The following LOXL2 variants were observed in gnomAD, a reference collection of about 807,000 sequenced individuals.
LOXL2 encodes the protein lysyl oxidase like 2, also known as lysyl oxidase homolog 2.
LOXL2 carries 70 observed loss-of-function variants against 93.0 expected under a neutral mutation model. The observed-to-expected ratio is 0.75, with a 90% confidence interval of 0.62 to 0.92. LOXL2 has a LOEUF of 0.92. Among genes scored for constraint, LOXL2 ranks in the 40% least tolerant of loss-of-function variants. LOXL2 has a pLI of 0.00. For missense variants in LOXL2, 973 were observed against 1,054.9 expected (o/e 0.92, Z 1.08); for synonymous variants, 438 against 413.2 (o/e 1.06, Z -0.73).
intron 3 of LOXL2, among the ~76,000 whole-genome samples, chr8:23,347,321 C>T (rs1481879149): frequency 1.3e-5 from 2 of 151,962 alleles, no homozygotes; most frequent in Admixed American, 6.6e-5. Flanking sequence ...TGCGCCACTA[C>T]ACTCCAGCTG....
intron 6 of LOXL2, among the ~76,000 whole-genome samples, chr8:23,326,966 A>C (rs1230141911): frequency 1.3e-5 from 2 of 152,236 alleles, no homozygotes; most frequent in Non-Finnish European, 2.9e-5. Context: ...ATAAGGAAGA[A>C]GCCCTTGTCT....
At chr8:23,387,712 G>C (rs960360300) in intron 1 of LOXL2, among the ~76,000 whole-genome samples, 4 of 152,174 alleles carry the variant, frequency 2.6e-5, no homozygotes, top group African/African-American at 9.7e-5. Context: ...CACTTTGGGA[G>C]GCTGAGGCAG....
Position 23,389,656 on chromosome 8 carries a change from TG to T in LOXL2, c.-84+14297del, listed in dbSNP as rs1458194189. On this transcript the variant is annotated intron_variant, in intron 1 of 13. Coordinates refer to ENST00000389131, the MANE Select transcript of LOXL2 (RefSeq NM_002318.3). ...CACATTGTAAAAATTATACAGTGTT[TG>T]GACATCATGCTTTTAGATTTTCAAG... 7.9e-5 allele frequency among the ~76,000 whole-genome samples: 12 copies of T among 152,322 alleles called. No individual in the cohort carries two copies. The South Asian group carries it at 2.5e-3, about 32-fold the overall frequency.
At chr8:23,344,557 C>G (rs1563196947) in intron 3 of LOXL2, among the ~76,000 whole-genome samples, 1 of 151,714 alleles carries the variant, frequency 6.6e-6, no homozygotes. Context: ...GTATATGTCT[C>G]TGTGTGTGTG....
chr8:23,383,646 GTTTTTTTTTTGT>G (rs1332220267), intron 1 of LOXL2, among the ~76,000 whole-genome samples: 10,354 of 117,194 alleles, frequency 0.088, 946 homozygotes, highest in African/African-American at 0.19. Flanking sequence ...GCACTTTTAC[GTTTTTTTTTTGT>G]TTTTTTTTTT....
intron 1 of LOXL2, among the ~76,000 whole-genome samples, chr8:23,400,889 T>G (rs961495155): frequency 1.3e-5 from 2 of 152,222 alleles, no homozygotes; most frequent in East Asian, 3.9e-4. Flanking sequence ...AAACAAACCC[T>G]GGCTTCCTGA....
intron 1 of LOXL2, among the ~76,000 whole-genome samples, chr8:23,373,811 C>T (rs375024449): frequency 1.3e-5 from 2 of 152,026 alleles, no homozygotes; most frequent in Non-Finnish European, 2.9e-5. Context: ...TGTCCCCCAC[C>T]GCGAAGCTCT....
chr8:23,368,712 G>A (rs1041799830), intron 1 of LOXL2, among the ~76,000 whole-genome samples: 3 of 152,076 alleles, frequency 2.0e-5, no homozygotes, highest in Admixed American at 1.3e-4. Context: ...TTAAGACTAC[G>A]GACATGCCGG....
At chr8:23,371,294 G>T (rs2117216486) in intron 1 of LOXL2, among the ~76,000 whole-genome samples, 1 of 152,304 alleles carries the variant, frequency 6.6e-6, no homozygotes, top group African/African-American at 2.4e-5. Context: ...ATACTACAGG[G>T]AATTCTTCAG....
At chr8:23,349,655 T>C (rs1804058375) in intron 3 of LOXL2, among the ~76,000 whole-genome samples, 1 of 152,032 alleles carries the variant, frequency 6.6e-6, no homozygotes, top group African/African-American at 2.4e-5. Context: ...ACTGACTATC[T>C]TGCACTAGGG....
intron 4 of LOXL2, among the ~76,000 whole-genome samples, chr8:23,338,507 T>C (rs757610962): frequency 1.3e-5 from 2 of 152,172 alleles, no homozygotes; most frequent in Non-Finnish European, 2.9e-5. Context: ...GGTGGATACA[T>C]GGAGATTACT....
chr8:23,323,298 A>G (rs1333432800), intron 6 of LOXL2, among the ~76,000 whole-genome samples: 1 of 152,228 alleles, frequency 6.6e-6, no homozygotes, highest in Non-Finnish European at 1.5e-5. Flanking sequence ...GACAGTCAGG[A>G]GAGAAAACCC....
rs949214260 is a variant in LOXL2 at position 23,340,384 on chromosome 8, A to G, written c.743+608T>C. 6.6e-5 allele frequency among the ~76,000 whole-genome samples: 10 copies of G among 152,230 alleles called. 1 individual carries two copies. The East Asian group carries it at 1.5e-3, about 24-fold the overall frequency. On this transcript the variant is annotated intron_variant, in intron 4 of 13. Transcript: ENST00000389131. ...CTTGTTGGGGTGCTGGAATCCTTCCACTGGACACCCCTTAAGTCAAAATGA... is the reference window on the plus strand; with the variant it reads ...CTTGTTGGGGTGCTGGAATCCTTCCGCTGGACACCCCTTAAGTCAAAATGA...
intron 10 of LOXL2, among the ~76,000 whole-genome samples, chr8:23,307,661 C>A (rs1336991159): frequency 1.3e-5 from 2 of 152,148 alleles, no homozygotes; most frequent in Non-Finnish European, 2.9e-5. Flanking sequence ...CTTATAGACC[C>A]ATAGGCAGCG....
At chr8:23,358,715 G>A (rs1804238450) in intron 3 of LOXL2, among the ~76,000 whole-genome samples, 1 of 152,220 alleles carries the variant, frequency 6.6e-6, no homozygotes, top group Non-Finnish European at 1.5e-5. Context: ...CATAAATGTG[G>A]ATTTTCAAAT....
Position 23,386,637 on chromosome 8 carries a change from G to T in LOXL2, c.-84+17317C>A, listed in dbSNP as rs570529299. On this transcript the variant is annotated intron_variant, in intron 1 of 13. Coordinates refer to ENST00000389131, the MANE Select transcript of LOXL2 (RefSeq NM_002318.3). ...AGTGGGGAGAGTTTTTAGAAAACAG[G>T]CAGATCTATTCTCAGCATTCACCTT... Among the ~76,000 whole-genome samples, 24 of 152,116 alleles carry T rather than the reference G, an allele frequency of 1.6e-4. No homozygotes were observed. In the South Asian group the frequency reaches 5.0e-3, roughly 32 times the overall value.
chr8:23,395,956 G>A (rs1252057801), intron 1 of LOXL2, among the ~76,000 whole-genome samples: 1 of 152,128 alleles, frequency 6.6e-6, no homozygotes, highest in Non-Finnish European at 1.5e-5. Flanking sequence ...TTACAGGTGT[G>A]AGCCACTGTG....
At chr8:23,309,159 A>G (rs1270559970) in intron 10 of LOXL2, among the ~76,000 whole-genome samples, 2 of 151,712 alleles carry the variant, frequency 1.3e-5, no homozygotes, top group Non-Finnish European at 2.9e-5. Context: ...TAATTTTCGT[A>G]TTTTTAGTAG....
chr8:23,358,958 C>T (rs1367288565), intron 3 of LOXL2, among the ~76,000 whole-genome samples: 1 of 151,628 alleles, frequency 6.6e-6, no homozygotes, highest in African/African-American at 2.4e-5. Context: ...TCTCCTGCTT[C>T]AGCCTCCTGA....
Sources: allele counts gnomAD v4.1 joint callset (sites outside exome capture counted in the v4.1 genomes callset), GRCh38; gene constraint gnomAD v4.1.1; transcripts MANE v1.5; gene names NCBI Gene and HGNC (gene_info 2026-07-23, HGNC 2026-07-21).